CLASP2: variants seen among roughly 807,000 people sequenced by gnomAD.
The protein encoded by CLASP2 is CLIP-associating protein 2.
In CLASP2, 47 loss-of-function variants were observed where a neutral mutation model predicts 194.4. The ratio of observed to expected loss-of-function variants is 0.24; its 90% CI spans 0.19 to 0.31. The LOEUF is 0.31. Ranked by LOEUF, CLASP2 falls within the 10% of genes least tolerant of loss-of-function variation. The pLI is 1.00. For synonymous variants in CLASP2, 619 were observed against 633.5 expected, an observed-to-expected ratio of 0.98 and a Z score of 0.34; for missense variants, 1,445 against 1,823.6, an observed-to-expected ratio of 0.79 and a Z score of 3.78.
intron 16 of CLASP2, among the ~76,000 whole-genome samples, chr3:33,604,439 T>C (rs1411585451): frequency 6.6e-6 from 1 of 151,604 alleles, no homozygotes; most frequent in Non-Finnish European, 1.5e-5. Context: ...CACCTCAATC[T>C]CTCAAGTTAC....
At chr3:33,597,050 G>GT (rs1367365129) in intron 18 of CLASP2, among the ~76,000 whole-genome samples, 8 of 152,146 alleles carry the variant, frequency 5.3e-5, no homozygotes, top group Non-Finnish European at 1.0e-4. Context: ...GCTCTAGTCT[G>GT]TGAGTTTTTC....
chr3:33,535,510 A>G (rs984073632), intron 33 of CLASP2, 49 bp from the exon 34 acceptor site: 20 of 1,412,356 alleles, frequency 1.4e-5, no homozygotes, highest in African/African-American at 2.8e-5. Context: ...TTTTTCAAGT[A>G]TCTATTTAAC....
intron 36 of CLASP2, among the ~76,000 whole-genome samples, chr3:33,514,879 A>T: frequency 6.6e-6 from 1 of 151,840 alleles, no homozygotes; most frequent in Middle Eastern, 3.2e-3. Context: ...ACCATGGAAT[A>T]CTACTCAGCC....
intron 6 of CLASP2, among the ~76,000 whole-genome samples, chr3:33,668,083 G>C (rs1337018221): frequency 6.6e-6 from 1 of 152,104 alleles, no homozygotes; most frequent in Non-Finnish European, 1.5e-5. Context: ...GCCCGGTGTG[G>C]TAGCAGGGGC....
At chr3:33,511,753 A>G (rs2049911956) in intron 36 of CLASP2, among the ~76,000 whole-genome samples, 1 of 127,650 alleles carries the variant, frequency 7.8e-6, no homozygotes. Context: ...GAAGGACATG[A>G]ACAGACACTT....
intron 18 of CLASP2, among the ~76,000 whole-genome samples, chr3:33,597,578 G>C (rs1027750526): frequency 1.3e-5 from 2 of 151,968 alleles, no homozygotes; most frequent in African/African-American, 4.8e-5. Flanking sequence ...TTGGGAGTCT[G>C]GGATTCTGGT....
At chr3:33,706,832 G>T (rs188223962) in intron 1 of CLASP2, among the ~76,000 whole-genome samples, 2 of 152,046 alleles carry the variant, frequency 1.3e-5, no homozygotes, top group African/African-American at 4.8e-5. Flanking sequence ...GGGCATGGTG[G>T]TGTGCGCCTG....
At position 33,635,168 on chromosome 3, in the gene CLASP2, G is replaced by A. The variant is rs972140621; in HGVS notation, c.863-2797C>T. Among the ~76,000 whole-genome samples the A allele has an allele frequency of 9.2e-5, 14 of 151,982 alleles. No homozygotes were observed. In the East Asian group the frequency reaches 9.7e-4, roughly 10 times the overall value. ...TCAGCTACTTGGGAGGCTGAGGCAC[G>A]AGAATCGCTTGAACCTGGGAGGCAG... On this transcript the variant is annotated intron_variant, in intron 8 of 38. Transcript: ENST00000682230.
chr3:33,658,318 A>G (rs148649755), intron 7 of CLASP2, among the ~76,000 whole-genome samples: 115 of 152,290 alleles, frequency 7.6e-4, no homozygotes, highest in African/African-American at 2.6e-3. Flanking sequence ...TAAGTATACA[A>G]AAGTGCTTTG....
At chr3:33,506,031 T>A (rs1389377085) in intron 37 of CLASP2, among the ~76,000 whole-genome samples, 1 of 152,174 alleles carries the variant, frequency 6.6e-6, no homozygotes, top group African/African-American at 2.4e-5. Context: ...TCCTATGTCC[T>A]GAAAGTGTAA....
chr3:33,632,019 T>G (rs1485764159), intron 9 of CLASP2, among the ~76,000 whole-genome samples: 1 of 152,190 alleles, frequency 6.6e-6, no homozygotes, highest in African/African-American at 2.4e-5. Flanking sequence ...TCAACTAATC[T>G]AATTCTCTGA....
intron 7 of CLASP2, among the ~76,000 whole-genome samples, chr3:33,647,959 G>A (rs2082553529): frequency 6.6e-6 from 1 of 152,044 alleles, no homozygotes; most frequent in Non-Finnish European, 1.5e-5. Context: ...CGTGAACCTG[G>A]GAGGTGGAGG....
At chr3:33,507,539 T>C (rs1188570183) in intron 37 of CLASP2, among the ~76,000 whole-genome samples, 1 of 152,146 alleles carries the variant, frequency 6.6e-6, no homozygotes, top group Non-Finnish European at 1.5e-5. Flanking sequence ...TGAAGTGCAG[T>C]GGTATGATTG....
At chr3:33,652,880 T>C (rs2083449037) in intron 7 of CLASP2, among the ~76,000 whole-genome samples, 1 of 152,212 alleles carries the variant, frequency 6.6e-6, no homozygotes, top group Non-Finnish European at 1.5e-5. Context: ...AGAGATCGTC[T>C]ACCAACAGTT....
intron 36 of CLASP2, chr3:33,514,679 C>A: frequency 5.7e-6 from 2 of 353,258 alleles, no homozygotes; most frequent in South Asian, 2.3e-5. Context: ...TGGGTATCTA[C>A]CTAGAAAAAA....
rs892885391 is a variant in CLASP2 at position 33,497,375 on chromosome 3, A to G, written c.*1256T>C. 1 of 152,614 alleles carries G rather than the reference A, an allele frequency of 6.6e-6. No individual in the cohort carries two copies. The highest frequency in any genetic ancestry group is 1.9e-4 in the East Asian group (1 of 5,194). The allele number at this position is 152,614 out of a possible 1,614,324, so 9.5% of individuals were successfully genotyped here. On this transcript the variant is annotated 3_prime_UTR_variant, in exon 39 of 39. Coordinates refer to ENST00000682230, the MANE Select transcript of CLASP2 (RefSeq NM_001365631.1). ...TTAGTATCCTGGTTCCAAATTATCT[A>G]ATTTAGCCTTTCACCAAAACTGGTA...
chr3:33,556,331 C>T (rs2060913446), intron 29 of CLASP2, among the ~76,000 whole-genome samples: 1 of 152,154 alleles, frequency 6.6e-6, no homozygotes, highest in African/African-American at 2.4e-5. Flanking sequence ...AATCCTGTCA[C>T]TCACTTGAAA....
At chr3:33,588,005 GTAGTT>G (rs1270733609) in intron 21 of CLASP2, among the ~76,000 whole-genome samples, 1 of 152,174 alleles carries the variant, frequency 6.6e-6, no homozygotes, top group Non-Finnish European at 1.5e-5. Flanking sequence ...TAGGAAACTT[GTAGTT>G]CAGAAACAGA....
At chr3:33,643,547 T>G (rs1026945123) in intron 8 of CLASP2, among the ~76,000 whole-genome samples, 1 of 151,938 alleles carries the variant, frequency 6.6e-6, no homozygotes, top group Non-Finnish European at 1.5e-5. Flanking sequence ...AAGTATAGAT[T>G]ACTTGAAACA....
Sources: gnomAD v4.1 joint callset for allele counts (sites outside exome capture counted in the v4.1 genomes callset) on GRCh38, gnomAD v4.1.1 for gene constraint, MANE v1.5 for transcripts, NCBI Gene and HGNC (gene_info 2026-07-23, HGNC 2026-07-21) for gene names.